The following TENM2 variants were observed in gnomAD, a reference collection of about 807,000 sequenced individuals.
The protein encoded by TENM2 is teneurin transmembrane protein 2, also known as teneurin-2.
TENM2 carries 52 observed loss-of-function variants against 245.2 expected under a neutral mutation model. The ratio of observed to expected loss-of-function variants is 0.21; its 90% CI spans 0.17 to 0.27. TENM2 has a LOEUF of 0.27. TENM2 is among the 10% of genes least tolerant of loss of function. TENM2 has a pLI of 1.00. For missense variants in TENM2, 3,046 were observed against 3,666.8 expected, an observed-to-expected ratio of 0.83 and a Z score of 4.37; for synonymous variants, 1,363 against 1,438.9, an observed-to-expected ratio of 0.95 and a Z score of 1.19.
intron 27 of TENM2, among the ~76,000 whole-genome samples, chr5:168,249,560 C>T (rs959605472): frequency 2.6e-5 from 4 of 151,834 alleles, no homozygotes; most frequent in Non-Finnish European, 4.4e-5. Context: ...TTCATGGGAC[C>T]TTGGCCGGCA....
At chr5:167,639,255 T>G (rs1779406578) in intron 2 of TENM2, among the ~76,000 whole-genome samples, 1 of 152,238 alleles carries the variant, frequency 6.6e-6, no homozygotes, top group Non-Finnish European at 1.5e-5. Context: ...ATTTCCTTAT[T>G]CATATGCTAA....
chr5:167,833,473 G>A (rs1281159949), intron 2 of TENM2, among the ~76,000 whole-genome samples: 1 of 152,214 alleles, frequency 6.6e-6, no homozygotes, highest in Non-Finnish European at 1.5e-5. Flanking sequence ...CAGAAGAGTA[G>A]AGTGTTCAAA....
At chr5:167,152,057 C>T in the TENM2 span, among the ~76,000 whole-genome samples, 1 of 152,156 alleles carries the variant, frequency 6.6e-6, no homozygotes, top group Admixed American at 6.5e-5. Context: ...GATGGATGCT[C>T]TTGTATACAA....
upstream of TENM2, among the ~76,000 whole-genome samples, chr5:167,280,384 C>T (rs1391566872): frequency 6.6e-6 from 1 of 152,168 alleles, no homozygotes. Flanking sequence ...CTTGTTTATG[C>T]TCAGTGGGGG....
At chr5:167,464,737 C>T (rs17499962) in intron 2 of TENM2, among the ~76,000 whole-genome samples, 64,928 of 151,962 alleles carry the variant, frequency 0.43, 14,265 homozygotes, top group Middle Eastern at 0.52. Flanking sequence ...ACTGTATTAA[C>T]TTATAGGAGA....
chr5:167,859,365 TC>T (rs1771451437), intron 2 of TENM2, among the ~76,000 whole-genome samples: 2 of 141,776 alleles, frequency 1.4e-5, no homozygotes, highest in Non-Finnish European at 1.6e-5. Context: ...AGCCACCCCG[TC>T]CGGGAGGGAG....
At chr5:167,892,605 T>C (rs1774850138) in intron 3 of TENM2, among the ~76,000 whole-genome samples, 1 of 152,176 alleles carries the variant, frequency 6.6e-6, no homozygotes, top group South Asian at 2.1e-4. Flanking sequence ...CAAAACCACA[T>C]AAGTTTCAGA....
chr5:167,629,757 G>C (rs141802553), intron 2 of TENM2, among the ~76,000 whole-genome samples: 32 of 152,234 alleles, frequency 2.1e-4, no homozygotes, highest in Non-Finnish European at 4.0e-4. Flanking sequence ...ACACCTCCCT[G>C]GGATTTGAGG....
chr5:168,087,149 A>G (rs1792525822), intron 7 of TENM2: 1 of 152,240 alleles, frequency 6.6e-6, no homozygotes, highest in Non-Finnish European at 1.5e-5. Context: ...TAGTGACCCT[A>G]TGTGCACTCT....
chr5:168,178,261 C>G (rs544330627), intron 13 of TENM2, among the ~76,000 whole-genome samples: 2 of 152,250 alleles, frequency 1.3e-5, no homozygotes, highest in Non-Finnish European at 2.9e-5. Flanking sequence ...CTCGGCTGCA[C>G]TGGCCGTCGG....
the TENM2 span, among the ~76,000 whole-genome samples, chr5:166,989,075 A>AT: frequency 3.1e-4 from 46 of 148,268 alleles, no homozygotes; most frequent in South Asian, 1.9e-3. Context: ...AACAGATTAG[A>AT]TTTTTTTTTT....
chr5:167,379,401 G>C (rs1001012905), intron 2 of TENM2, among the ~76,000 whole-genome samples: 1 of 152,040 alleles, frequency 6.6e-6, no homozygotes, highest in Admixed American at 6.6e-5. Context: ...TAGCACCGGG[G>C]ACAATGTCCT....
chr5:167,004,921 C>G, the TENM2 span, among the ~76,000 whole-genome samples: 1 of 152,110 alleles, frequency 6.6e-6, no homozygotes, highest in Non-Finnish European at 1.5e-5. Flanking sequence ...TCACCCAGGA[C>G]TTACCTTTGA....
chr5:167,567,318 G>T (rs1773968681), intron 2 of TENM2, among the ~76,000 whole-genome samples: 1 of 152,108 alleles, frequency 6.6e-6, no homozygotes, highest in Non-Finnish European at 1.5e-5. Context: ...AGCATTATGA[G>T]GGTGAAAAAT....
intron 2 of TENM2, among the ~76,000 whole-genome samples, chr5:167,866,967 G>T (rs770645389): frequency 6.6e-6 from 1 of 152,184 alleles, no homozygotes; most frequent in Non-Finnish European, 1.5e-5. Context: ...TGTAGAACAC[G>T]CCCATCATCA....
intron 2 of TENM2, among the ~76,000 whole-genome samples, chr5:167,695,607 C>CA (rs1757706643): frequency 6.7e-6 from 1 of 150,308 alleles, no homozygotes. Flanking sequence ...CTGAATCAGA[C>CA]AAAAATAGTT....
chr5:167,707,694 G>A (rs1487356751), intron 2 of TENM2, among the ~76,000 whole-genome samples: 1 of 152,182 alleles, frequency 6.6e-6, no homozygotes, highest in Admixed American at 6.5e-5. Flanking sequence ...CTGCCTGAAT[G>A]CCGTCTAGAA....
At chr5:167,792,869 G>A (rs939224605) in intron 2 of TENM2, among the ~76,000 whole-genome samples, 23 of 152,246 alleles carry the variant, frequency 1.5e-4, no homozygotes, top group Non-Finnish European at 1.3e-4. Flanking sequence ...ACATTTTCAC[G>A]GTTTCTGCAG....
the TENM2 span, among the ~76,000 whole-genome samples, chr5:167,041,859 C>A: frequency 6.6e-6 from 1 of 151,966 alleles, no homozygotes; most frequent in African/African-American, 2.4e-5. Flanking sequence ...CTCTTTGTCA[C>A]CCAGAAGGTA....
Sources: allele counts gnomAD v4.1 joint callset (sites outside exome capture counted in the v4.1 genomes callset), GRCh38; gene constraint gnomAD v4.1.1; transcripts MANE v1.5; gene names NCBI Gene and HGNC (gene_info 2026-07-23, HGNC 2026-07-21).